Variants in DEFB108B observed in about 807,000 individuals in gnomAD.
DEFB108B encodes the protein beta-defensin 108B.
Under a neutral mutation model 2.4 loss-of-function variants are expected in DEFB108B, and 3 were observed. That is an observed-to-expected ratio of 1.25 (90% confidence interval 0.57 to 3.24). The LOEUF (loss-of-function observed/expected upper bound fraction) is 3.24, where lower values mean the gene tolerates loss of function less well. Among genes scored for constraint, DEFB108B ranks in the 30% most tolerant of loss-of-function variants. DEFB108B has a pLI of 0.03. For synonymous variants in DEFB108B, 25 were observed against 28.7 expected (o/e 0.87, Z 0.41); for missense variants, 101 against 87.8 (o/e 1.15, Z -0.60).
Position 71,837,615 on chromosome 11 carries a change from C to T in DEFB108B, c.*53C>T, listed in dbSNP as rs1033144924. 28 of 1,558,410 alleles carry T rather than the reference C, an allele frequency of 1.8e-5. No individual in the cohort carries two copies. The African/African-American group carries it at 3.4e-4, about 19-fold the overall frequency. The stretch of plus-strand genomic sequence containing the variant: ...TTCTCTTTTTTCTCTCTCCCTCTCT[C>T]TGTCTCCCTGTCTCCCTTTCCCTCT... On this transcript the variant is annotated 3_prime_UTR_variant, in exon 2 of 2. Coordinates refer to ENST00000328698, the MANE Select transcript of DEFB108B (RefSeq NM_001002035.2).
At chr11:71,833,371 G>T (rs1435189790) in intron 1 of DEFB108B, 114 bp downstream of exon 1, 2 of 1,500,092 alleles carry the variant, frequency 1.3e-6, no homozygotes, top group African/African-American at 2.8e-5. Context: ...AGGAAATCTG[G>T]AAGACTCATT....
At chr11:71,835,202 G>C (rs1206974082) in intron 1 of DEFB108B, among the ~76,000 whole-genome samples, 1 of 152,120 alleles carries the variant, frequency 6.6e-6, no homozygotes, top group African/African-American at 2.4e-5. Flanking sequence ...CGCAGGTAGG[G>C]TGTACCTAAA....
chr11:71,836,972 G>GTGTA, intron 1 of DEFB108B: 1 of 171,306 alleles, frequency 5.8e-6, no homozygotes, highest in African/African-American at 2.4e-5. Context: ...GTCTGTGTGT[G>GTGTA]TAGAAATAAA....
intron 1 of DEFB108B, among the ~76,000 whole-genome samples, chr11:71,836,524 C>T (rs1952219758): frequency 6.6e-6 from 1 of 152,188 alleles, no homozygotes; most frequent in Non-Finnish European, 1.5e-5. Context: ...CTCTGTGTTA[C>T]ATACAAAGGC....
At chr11:71,835,575 A>T (rs1207522132) in intron 1 of DEFB108B, among the ~76,000 whole-genome samples, 1 of 152,200 alleles carries the variant, frequency 6.6e-6, no homozygotes, top group African/African-American at 2.4e-5. Context: ...TACAAGACTG[A>T]TTTATTTTCC....
chr11:71,835,399 T>A (rs1376664019), intron 1 of DEFB108B, among the ~76,000 whole-genome samples: 1 of 152,194 alleles, frequency 6.6e-6, no homozygotes, highest in African/African-American at 2.4e-5. Context: ...GCATCCATGT[T>A]ACTGAAAAAG....
chr11:71,833,251 C>A lies in DEFB108B; in HGVS notation c.52C>A (p.Leu18Ile), dbSNP rs762366321. Reference sequence around the variant, plus strand: ...CATTTTCTTCTTTATGAGCCAAGTTCTACCAGGTAACAAAATAAACTTGGT... The same window carrying A: ...CATTTTCTTCTTTATGAGCCAAGTTATACCAGGTAACAAAATAAACTTGGT... ...FAIFFFMSQVLPARGKFKEIC... is the reference protein window; with the variant it reads ...FAIFFFMSQVIPARGKFKEIC... Residue 18 changes from leucine (L) to isoleucine (I), a missense_variant, in exon 1 of 2, where the codon CTA becomes ATA. Coordinates refer to ENST00000328698, the MANE Select transcript of DEFB108B (RefSeq NM_001002035.2). 19 of 1,578,610 alleles carry A rather than the reference C, an allele frequency of 1.2e-5. No homozygotes were observed. In the African/African-American group the frequency reaches 1.4e-4, roughly 11 times the overall value.
intron 1 of DEFB108B, 174 bp from the exon 2 acceptor site, chr11:71,837,225 C>A (rs1356792398): frequency 5.7e-6 from 5 of 879,878 alleles, no homozygotes; most frequent in Admixed American, 5.6e-5. Flanking sequence ...AAATCCAAAT[C>A]TTTGTGTGAC....
At chr11:71,835,630 T>A (rs1478946285) in intron 1 of DEFB108B, among the ~76,000 whole-genome samples, 1 of 152,196 alleles carries the variant, frequency 6.6e-6, no homozygotes, top group African/African-American at 2.4e-5. Flanking sequence ...CAAATGGTAG[T>A]TCTGTATTAA....
chr11:71,837,335 T>G, intron 1 of DEFB108B, 64 bp from the exon 2 acceptor site: 2 of 1,584,728 alleles, frequency 1.3e-6, no homozygotes, highest in Non-Finnish European at 1.7e-6. Context: ...CCTACATCCA[T>G]GTAATTCAAC....
intron 1 of DEFB108B, chr11:71,837,142 A>T: frequency 2.1e-6 from 1 of 474,184 alleles, no homozygotes; most frequent in Non-Finnish European, 3.9e-6. Context: ...TGTAAAGGGG[A>T]GCGGGCTACT....
Position 71,837,582 on chromosome 11 carries a change from G to T in DEFB108B, c.*20G>T. On this transcript the variant is annotated 3_prime_UTR_variant, in exon 2 of 2. Transcript: ENST00000328698. ...GACTGAAGCCTGTTGTTTTCTGGAG[G>T]TTTTATGTTCTCTTTTTTCTCTCTC... The T allele has an allele frequency of 6.2e-7, 1 of 1,604,358 alleles. No individual in the cohort carries two copies. Among genetic ancestry groups the T allele is most frequent in the Non-Finnish European group, 8.5e-7 (1 of 1,175,960 alleles).
chr11:71,837,162 C>G lies in DEFB108B; in HGVS notation c.59-237C>G, dbSNP rs1473324395. On this transcript the variant is annotated intron_variant, in intron 1 of 1. Coordinates refer to ENST00000328698, the MANE Select transcript of DEFB108B (RefSeq NM_001002035.2). ...AGGGGAGCGGGCTACTCACCTCCAG[C>G]CTTTTGTCATGTAGGTGCACCCAAT... The G allele has an allele frequency of 2.1e-5, 11 of 532,442 alleles. No homozygotes were observed. In the East Asian group the frequency reaches 3.4e-4, roughly 16 times the overall value. The allele number at this position is 532,442 out of a possible 1,614,324, so 33.0% of individuals were successfully genotyped here.
intron 1 of DEFB108B, among the ~76,000 whole-genome samples, chr11:71,836,170 G>T (rs1292279070): frequency 6.6e-6 from 1 of 152,188 alleles, no homozygotes; most frequent in South Asian, 2.1e-4. Context: ...AAAAAACTCA[G>T]ATTTCAGCTT....
chr11:71,835,633 T>C (rs1044326031), intron 1 of DEFB108B, among the ~76,000 whole-genome samples: 1 of 152,196 alleles, frequency 6.6e-6, no homozygotes, highest in African/African-American at 2.4e-5. Context: ...ATGGTAGTTC[T>C]GTATTAAGTT....
In DEFB108B at chr11:71,835,626, G is replaced by C. The variant is rs1222326336; in HGVS notation, c.59-1773G>C. Among the ~76,000 whole-genome samples the C allele has an allele frequency of 2.0e-5, 3 of 152,066 alleles. No individual in the cohort carries two copies. The East Asian group carries it at 5.8e-4, about 29-fold the overall frequency. On this transcript the variant is annotated intron_variant, in intron 1 of 1. Transcript: ENST00000328698. ...AGTAGTGAGATTACTGGGTCAAATG[G>C]TAGTTCTGTATTAAGTTTCTTGAAA...
At chr11:71,834,956 A>T (rs956323045) in intron 1 of DEFB108B, 2 of 152,250 alleles carry the variant, frequency 1.3e-5, no homozygotes, top group Non-Finnish European at 2.9e-5. Flanking sequence ...CACAATATGC[A>T]ATACACAAGG....
In DEFB108B at chr11:71,837,609, C is replaced by A; in HGVS notation, c.*47C>A. 6.3e-7 allele frequency: 1 copy of A among 1,583,400 alleles called. No individual in the cohort carries two copies. The highest frequency in any genetic ancestry group is 8.6e-7 in the Non-Finnish European group (1 of 1,166,026). On this transcript the variant is annotated 3_prime_UTR_variant, in exon 2 of 2. Transcript: ENST00000328698. ...TTTATGTTCTCTTTTTTCTCTCTCCCTCTCTCTGTCTCCCTGTCTCCCTTT... is the reference window on the plus strand; with the variant it reads ...TTTATGTTCTCTTTTTTCTCTCTCCATCTCTCTGTCTCCCTGTCTCCCTTT...
intron 1 of DEFB108B, among the ~76,000 whole-genome samples, chr11:71,835,420 G>A (rs1176544614): frequency 1.3e-5 from 2 of 152,104 alleles, no homozygotes; most frequent in African/African-American, 2.4e-5. Context: ...ACACAGTTTT[G>A]TTCTTTTTAT....
Sources: allele counts gnomAD v4.1 joint callset (sites outside exome capture counted in the v4.1 genomes callset), GRCh38; gene constraint gnomAD v4.1.1; transcripts MANE v1.5; gene names NCBI Gene and HGNC (gene_info 2026-07-23, HGNC 2026-07-21).